Variants in PPM1L observed in about 807,000 individuals in gnomAD.
PPM1L encodes protein phosphatase 1L.
In PPM1L, 13 loss-of-function variants were observed where a neutral mutation model predicts 31.4. The ratio of observed to expected loss-of-function variants is 0.41; its 90% CI spans 0.27 to 0.66. The LOEUF (loss-of-function observed/expected upper bound fraction) is 0.66. Among genes scored for constraint, PPM1L ranks in the 30% least tolerant of loss-of-function variants. The pLI is 0.29. For synonymous variants in PPM1L, 184 were observed against 175.4 expected, an observed-to-expected ratio of 1.05 and a Z score of -0.39; for missense variants, 326 against 453.7, an observed-to-expected ratio of 0.72 and a Z score of 2.56.
intron 1 of PPM1L, among the ~76,000 whole-genome samples, chr3:160,803,769 G>A (rs1354476331): frequency 6.6e-6 from 1 of 152,186 alleles, no homozygotes; most frequent in Non-Finnish European, 1.5e-5. Context: ...ATAGAGAGCA[G>A]TTTTTCAAGT....
intron 1 of PPM1L, among the ~76,000 whole-genome samples, chr3:160,944,803 A>ACATATATTATATATGT (rs1715287480): frequency 3.4e-5 from 2 of 59,254 alleles, no homozygotes; most frequent in Non-Finnish European, 7.4e-5. Context: ...TATATATAAC[A>ACATATATTATATATGT]TATATAACAT....
chr3:161,057,470 T>C (rs1719445470), intron 2 of PPM1L, among the ~76,000 whole-genome samples: 1 of 152,082 alleles, frequency 6.6e-6, no homozygotes, highest in South Asian at 2.1e-4. Flanking sequence ...TCAACTTTAT[T>C]GTTATACAAA....
At chr3:160,931,747 A>T (rs1217935855) in intron 1 of PPM1L, among the ~76,000 whole-genome samples, 1 of 152,222 alleles carries the variant, frequency 6.6e-6, no homozygotes, top group Non-Finnish European at 1.5e-5. Context: ...TTAGGTTAGG[A>T]TGTAGTATTT....
rs1167942527 is a variant in PPM1L at position 161,078,622 on chromosome 3, C to G, written c.*9465C>G. On this transcript the variant is annotated 3_prime_UTR_variant, in exon 4 of 4. Transcript: ENST00000498165. ...TTCAGAGGTTATTATACCTACTGATCTGTATTTGTCTCTAAGAGACATTTG... is the reference window on the plus strand; with the variant it reads ...TTCAGAGGTTATTATACCTACTGATGTGTATTTGTCTCTAAGAGACATTTG... The G allele has an allele frequency of 6.6e-6, 1 of 152,158 alleles. No individual in the cohort carries two copies. Among genetic ancestry groups the G allele is most frequent in the African/African-American group, 2.4e-5 (1 of 41,432 alleles). The allele number at this position is 152,158 out of a possible 1,614,324, so 9.4% of individuals were successfully genotyped here.
intron 1 of PPM1L, among the ~76,000 whole-genome samples, chr3:160,849,530 C>T (rs1167616412): frequency 2.0e-5 from 3 of 152,050 alleles, no homozygotes; most frequent in Non-Finnish European, 2.9e-5. Context: ...ATGCCATTCT[C>T]CTGCCTCAGC....
chr3:160,822,039 C>G (rs1713216996), intron 1 of PPM1L, among the ~76,000 whole-genome samples: 1 of 151,908 alleles, frequency 6.6e-6, no homozygotes, highest in African/African-American at 2.4e-5. Context: ...ACCATATACC[C>G]TCTAGGCCTA....
intron 2 of PPM1L, among the ~76,000 whole-genome samples, chr3:160,966,350 A>C (rs115229767): frequency 0.012 from 1,867 of 152,250 alleles, 41 homozygotes; most frequent in African/African-American, 0.043. Context: ...CAGTAATCTT[A>C]CTATTGTAAA....
intron 1 of PPM1L, among the ~76,000 whole-genome samples, chr3:160,889,983 A>G (rs1452850397): frequency 6.6e-6 from 1 of 152,196 alleles, no homozygotes; most frequent in African/African-American, 2.4e-5. Flanking sequence ...CTGGGTTTTG[A>G]TAGAACATAT....
At chr3:161,050,119 G>A (rs1006396916) in intron 2 of PPM1L, among the ~76,000 whole-genome samples, 3 of 152,148 alleles carry the variant, frequency 2.0e-5, no homozygotes, top group Non-Finnish European at 4.4e-5. Flanking sequence ...ATGACCTGGC[G>A]TTCCCTGTTC....
intron 1 of PPM1L, among the ~76,000 whole-genome samples, chr3:160,913,162 A>G (rs1714032946): frequency 6.6e-6 from 1 of 152,174 alleles, no homozygotes; most frequent in South Asian, 2.1e-4. Flanking sequence ...GTAATAGCTC[A>G]AAGAGTTTTA....
chr3:160,969,971 T>G (rs1716269785), intron 2 of PPM1L, among the ~76,000 whole-genome samples: 1 of 152,246 alleles, frequency 6.6e-6, no homozygotes, highest in Non-Finnish European at 1.5e-5. Context: ...TATTTATTTC[T>G]TGCCATTTTT....
chr3:160,802,423 G>A (rs1712458029), intron 1 of PPM1L, among the ~76,000 whole-genome samples: 1 of 152,148 alleles, frequency 6.6e-6, no homozygotes, highest in African/African-American at 2.4e-5. Flanking sequence ...GTGACTCCAT[G>A]CAAGTGAGCA....
At chr3:160,976,270 G>T (rs1341989966) in intron 2 of PPM1L, among the ~76,000 whole-genome samples, 2 of 147,962 alleles carry the variant, frequency 1.4e-5, no homozygotes, top group African/African-American at 2.5e-5. Flanking sequence ...ACTGGATTCG[G>T]TTTGCCAGTA....
chr3:160,943,663 G>T (rs975366731), intron 1 of PPM1L, among the ~76,000 whole-genome samples: 7 of 152,292 alleles, frequency 4.6e-5, no homozygotes, highest in African/African-American at 4.8e-5. Flanking sequence ...TTGAAGGAAA[G>T]ATTTCAAACA....
At chr3:160,824,625 A>G (rs1713303701) in intron 1 of PPM1L, among the ~76,000 whole-genome samples, 1 of 152,116 alleles carries the variant, frequency 6.6e-6, no homozygotes, top group Admixed American at 6.6e-5. Context: ...ATGAGAGAAT[A>G]CGGATGGATC....
chr3:161,054,694 T>G (rs1186682448), intron 2 of PPM1L, among the ~76,000 whole-genome samples: 3 of 152,274 alleles, frequency 2.0e-5, no homozygotes, highest in African/African-American at 7.2e-5. Context: ...GCTAGTCACA[T>G]AATCTCAGTT....
chr3:161,058,379 C>T (rs746286892), intron 2 of PPM1L, among the ~76,000 whole-genome samples: 70 of 151,982 alleles, frequency 4.6e-4, no homozygotes, highest in Non-Finnish European at 9.0e-4. Context: ...CCTGCCTCAG[C>T]CTCCGAAAGT....
At chr3:160,944,335 A>G (rs949775750) in intron 1 of PPM1L, among the ~76,000 whole-genome samples, 2 of 151,856 alleles carry the variant, frequency 1.3e-5, no homozygotes, top group African/African-American at 4.8e-5. Flanking sequence ...AAGTTGCTTA[A>G]GTTAGTTTTT....
chr3:161,022,112 A>G, intron 2 of PPM1L: 1 of 658,900 alleles, frequency 1.5e-6, no homozygotes, highest in African/African-American at 1.8e-5. Flanking sequence ...GTGTAGCTAG[A>G]TGTTTTCTGT....
Sources: gnomAD v4.1 joint callset for allele counts (sites outside exome capture counted in the v4.1 genomes callset) on GRCh38, gnomAD v4.1.1 for gene constraint, MANE v1.5 for transcripts, NCBI Gene and HGNC (gene_info 2026-07-23, HGNC 2026-07-21) for gene names.